MORC1: variants seen among roughly 807,000 people sequenced by gnomAD.
The protein encoded by MORC1 is MORC family CW-type zinc finger protein 1.
Under a neutral mutation model 134.9 loss-of-function variants are expected in MORC1, and 59 were observed. That is an observed-to-expected ratio of 0.44 (90% CI 0.35 to 0.54). The LOEUF (loss-of-function observed/expected upper bound fraction) is 0.54, where lower values mean the gene tolerates loss of function less well. Among genes scored for constraint, MORC1 ranks in the 20% least tolerant of loss-of-function variants. The pLI is 0.00. For synonymous variants in MORC1, 395 were observed against 391.7 expected (o/e 1.01, Z -0.10); for missense variants, 947 against 1,134.5 (o/e 0.83, Z 2.37).
rs1949270731 is a variant in MORC1, at chr3:109,032,831, A to C, written c.1460-6T>G. 1.3e-6 allele frequency: 2 copies of C among 1,500,960 alleles called. No homozygotes were observed. The highest frequency in any genetic ancestry group is 3.6e-5 in the Admixed American group (2 of 56,050). 93.0% of individuals were successfully genotyped at this position (1,500,960 alleles called of 1,614,324 possible). A position where few individuals can be genotyped will look rare whatever the true frequency, so the allele number is the denominator to read the frequency against. On this transcript the variant is annotated splice_region_variant and splice_polypyrimidine_tract_variant and intron_variant, in intron 15 of 27. Transcript: ENST00000232603. ...TCTCCATTTAAGACAAAGATCTGAC[A>C]ATCAAAACAAAATGACACAGAAAAG... is the stretch of plus-strand genomic sequence containing the variant.
intron 24 of MORC1, among the ~76,000 whole-genome samples, chr3:108,976,744 G>A (rs1354944784): frequency 1.3e-5 from 2 of 152,128 alleles, no homozygotes; most frequent in African/African-American, 4.8e-5. Flanking sequence ...AACGCATTCA[G>A]CTTTCAGAGT....
At chr3:109,009,537 T>C (rs1254813284) in intron 17 of MORC1, among the ~76,000 whole-genome samples, 2 of 152,190 alleles carry the variant, frequency 1.3e-5, no homozygotes, top group Non-Finnish European at 2.9e-5. Context: ...AGCTGTAGGC[T>C]TTTTATGTGA....
chr3:109,104,021 G>C, intron 3 of MORC1, 104 bp from the exon 4 acceptor site: 1 of 1,030,776 alleles, frequency 9.7e-7, no homozygotes, highest in Non-Finnish European at 1.5e-6. Context: ...TGCAGCCACA[G>C]AGTGACAGAG....
intron 1 of MORC1, among the ~76,000 whole-genome samples, chr3:109,115,328 A>AACACAC (rs58831825): frequency 8.1e-5 from 12 of 148,662 alleles, no homozygotes; most frequent in Non-Finnish European, 7.4e-5. Flanking sequence ...GTATTTTTAA[A>AACACAC]ACACACACAC....
intron 8 of MORC1, among the ~76,000 whole-genome samples, chr3:109,091,183 C>T (rs1404446447): frequency 1.3e-5 from 2 of 151,982 alleles, no homozygotes; most frequent in African/African-American, 4.8e-5. Context: ...GTGGCTCATG[C>T]CTGTAATCCC....
rs563267113 is a variant in MORC1 at position 109,000,617 on chromosome 3, A to G, written c.2127T>C (p.Phe709=). 35 of 1,611,796 alleles carry G rather than the reference A, an allele frequency of 2.2e-5. No individual in the cohort carries two copies. In the South Asian group the frequency reaches 3.4e-4, roughly 16 times the overall value. Residue 709 remains phenylalanine (F), a synonymous_variant, in exon 21 of 28, where the codon TTT becomes TTC. Transcript: ENST00000232603. ...WEMKRKQSLN[F]VEECKVLTED... is the part of the protein sequence containing the mutation. ...CAGTCAATACCTTACATTCCTCTAC[A>G]AAGTTCAGACTCTGCTTCCTTTTCA... is the stretch of plus-strand genomic sequence containing the variant.
chr3:109,111,050 T>TAAAAAAA (rs11344763), intron 2 of MORC1, among the ~76,000 whole-genome samples: 17 of 113,866 alleles, frequency 1.5e-4, no homozygotes, highest in Non-Finnish European at 2.6e-4. Context: ...GGATATAATT[T>TAAAAAAA]AAAAAAAAAA....
chr3:108,980,698 A>G (rs533472969), intron 23 of MORC1, among the ~76,000 whole-genome samples: 1 of 152,350 alleles, frequency 6.6e-6, no homozygotes, highest in African/African-American at 2.4e-5. Context: ...AAAATCACTT[A>G]ACTAAGAATG....
rs192596480 is a variant in MORC1 at position 109,069,432 on chromosome 3, T to C, written c.815+200A>G. Reference sequence around the variant, plus strand: ...TGATGATCTAACTTAGCATGCTCACTGCAGTATGTTTCTATTACTGCCAAA... The same window carrying C: ...TGATGATCTAACTTAGCATGCTCACCGCAGTATGTTTCTATTACTGCCAAA... On this transcript the variant is annotated intron_variant, in intron 9 of 27. Coordinates refer to ENST00000232603, the MANE Select transcript of MORC1 (RefSeq NM_014429.4). Among the ~76,000 whole-genome samples, 400 of 152,330 alleles carry C rather than the reference T, an allele frequency of 2.6e-3. 1 individual carries two copies. Among genetic ancestry groups the C allele is most frequent in the African/African-American group, 8.5e-3 (353 of 41,580 alleles).
rs372447486 is a variant in MORC1, at chr3:108,986,841, A to G, written c.2257+39T>C. The G allele has an allele frequency of 3.7e-6, 5 of 1,334,288 alleles. No homozygotes were observed. The East Asian group carries it at 7.4e-5, about 20-fold the overall frequency. 82.7% of individuals were successfully genotyped at this position (1,334,288 alleles called of 1,614,324 possible). A position where few individuals can be genotyped will look rare whatever the true frequency, so the allele number is the denominator to read the frequency against. On this transcript the variant is annotated intron_variant, in intron 22 of 27. Coordinates refer to ENST00000232603, the MANE Select transcript of MORC1 (RefSeq NM_014429.4). ...ATATTGAAAATGTCTCAAACATTAT[A>G]GCTAATATATATATATACATGAGCT...
intron 10 of MORC1, among the ~76,000 whole-genome samples, chr3:109,062,794 T>C (rs924190019): frequency 1.3e-5 from 2 of 152,158 alleles, no homozygotes; most frequent in South Asian, 4.1e-4. Context: ...CTCGCTATGT[T>C]GCCCAGGCTG....
intron 20 of MORC1, among the ~76,000 whole-genome samples, chr3:109,002,181 T>A (rs1039101620): frequency 2.6e-5 from 4 of 152,262 alleles, no homozygotes; most frequent in Non-Finnish European, 4.4e-5. Context: ...AAATACCATG[T>A]ACTGGTTATC....
chr3:109,066,347 A>G (rs1950195911), intron 9 of MORC1, among the ~76,000 whole-genome samples: 1 of 148,320 alleles, frequency 6.7e-6, no homozygotes, highest in African/African-American at 2.5e-5. Flanking sequence ...GTGCAGTGGC[A>G]TGATCTCAGT....
At chr3:109,024,675 G>A (rs1949033688) in intron 17 of MORC1, among the ~76,000 whole-genome samples, 1 of 152,154 alleles carries the variant, frequency 6.6e-6, no homozygotes, top group African/African-American at 2.4e-5. Context: ...GGAGTGGGAT[G>A]GAGGAAGAGA....
In MORC1 at chr3:109,054,871, C is replaced by T. The variant is rs1348551148; in HGVS notation, c.1187G>A (p.Gly396Asp). The change falls in exon 14 of 28, where the codon GGC becomes GAC. Residue 396 changes from glycine to aspartate, a missense_variant. Physicochemically the swap from Gly to Asp is moderately conservative, Grantham distance 94. This residue lies in a region of MORC1 where 722 missense variants were observed against 817.0 expected (regional missense o/e 0.88). Transcript: ENST00000232603. ...QLKLKSLLGA[G>D]VVGIVNIPLE... ...GGGTATATTAACAATTCCAACCACG[C>T]CTGCGCCAAGTCTGAGAAAATATAT... 1 of 1,597,284 alleles carries T rather than the reference C, an allele frequency of 6.3e-7. No homozygotes were observed.
chr3:109,099,731 T>C (rs1950891620), intron 5 of MORC1, among the ~76,000 whole-genome samples: 1 of 152,062 alleles, frequency 6.6e-6, no homozygotes, highest in Admixed American at 6.6e-5. Flanking sequence ...CTGTCTCAGG[T>C]AGGAGCCGTA....
chr3:109,063,908 C>T (rs996988065), intron 9 of MORC1, among the ~76,000 whole-genome samples: 1 of 152,058 alleles, frequency 6.6e-6, no homozygotes, highest in African/African-American at 2.4e-5. Flanking sequence ...ATTCCTGGAA[C>T]CGGGCTTTTA....
At chr3:109,038,229 C>T (rs781616851) in intron 14 of MORC1, among the ~76,000 whole-genome samples, 7 of 151,408 alleles carry the variant, frequency 4.6e-5, no homozygotes, top group Admixed American at 6.6e-5. Context: ...CTGTTGTCTG[C>T]ATAAATGTCT....
intron 17 of MORC1, among the ~76,000 whole-genome samples, chr3:109,017,693 G>A (rs1475980572): frequency 6.6e-6 from 1 of 152,042 alleles, no homozygotes; most frequent in Non-Finnish European, 1.5e-5. Flanking sequence ...GAATAACACA[G>A]TTAACCTACT....
Sources: allele counts gnomAD v4.1 joint callset (sites outside exome capture counted in the v4.1 genomes callset), GRCh38; gene constraint gnomAD v4.1.1; regional missense constraint gnomAD v4.1.1; transcripts MANE v1.5; gene names NCBI Gene and HGNC (gene_info 2026-07-23, HGNC 2026-07-21).